LRRC7: variants seen among roughly 807,000 people sequenced by gnomAD.
LRRC7 encodes the protein leucine-rich repeat-containing protein 7.
LRRC7 carries 23 observed loss-of-function variants against 175.7 expected under a neutral mutation model. That is an observed-to-expected ratio of 0.13 (90% CI 0.09 to 0.19). The LOEUF is 0.19. Ranked by LOEUF, LRRC7 falls within the 10% of genes least tolerant of loss-of-function variation. The pLI, the probability that LRRC7 is intolerant of heterozygous loss-of-function variation, is 1.00. For missense variants in LRRC7, 1,354 were observed against 1,904.7 expected (o/e 0.71, Z 5.38); for synonymous variants, 685 against 680.9 (o/e 1.01, Z -0.09).
rs552992699 is a variant in LRRC7, at chr1:69,926,807, A to C, written c.648-4700A>C. On this transcript the variant is annotated intron_variant, in intron 7 of 26. Transcript: ENST00000651989. ...TAATTGGAGCATTTAGCCCATTTAC[A>C]TTTAAAGTTAACATTGTTATGTGTG... 7.9e-5 allele frequency among the ~76,000 whole-genome samples: 12 copies of C among 152,258 alleles called. No individual in the cohort carries two copies. The East Asian group carries it at 2.3e-3, about 29-fold the overall frequency.
rs1248344771 is a variant in LRRC7, at chr1:70,125,684, T to C, written c.*3797T>C. On this transcript the variant is annotated 3_prime_UTR_variant, in exon 27 of 27. Coordinates refer to ENST00000651989, the MANE Select transcript of LRRC7 (RefSeq NM_001370785.2). ...GCGGGCGCCTGTAGTCCCAGCTACTTGGGAGGCTGAGGCAGGAGAATGGCG... is the reference window on the plus strand; with the variant it reads ...GCGGGCGCCTGTAGTCCCAGCTACTCGGGAGGCTGAGGCAGGAGAATGGCG... Among the ~76,000 whole-genome samples, 5 of 144,976 alleles carry C rather than the reference T, an allele frequency of 3.4e-5. No individual in the cohort carries two copies. The highest frequency in any genetic ancestry group is 7.3e-3 in the Middle Eastern group (2 of 274).
chr1:69,962,286 C>G (rs753854043), intron 8 of LRRC7, among the ~76,000 whole-genome samples: 1 of 152,112 alleles, frequency 6.6e-6, no homozygotes, highest in Non-Finnish European at 1.5e-5. Context: ...TGCAGTACCA[C>G]TCCACACCAG....
intron 7 of LRRC7, among the ~76,000 whole-genome samples, chr1:69,875,340 C>T (rs1314884546): frequency 6.6e-6 from 1 of 151,702 alleles, no homozygotes; most frequent in African/African-American, 2.4e-5. Flanking sequence ...TTTCTGGTCT[C>T]GATAATATAT....
chr1:70,115,483 G>A (rs1665792273), intron 26 of LRRC7, among the ~76,000 whole-genome samples: 2 of 151,992 alleles, frequency 1.3e-5, no homozygotes, highest in Admixed American at 1.3e-4. Flanking sequence ...CACTCTATTT[G>A]ATTCTGACAA....
intron 26 of LRRC7, among the ~76,000 whole-genome samples, chr1:70,117,544 A>C (rs920107169): frequency 6.6e-6 from 1 of 152,184 alleles, no homozygotes; most frequent in Non-Finnish European, 1.5e-5. Context: ...GACAATTAAA[A>C]AACATTTTGT....
At chr1:69,729,361 A>T (rs1557657252) in intron 2 of LRRC7, among the ~76,000 whole-genome samples, 1 of 152,130 alleles carries the variant, frequency 6.6e-6, no homozygotes, top group Non-Finnish European at 1.5e-5. Context: ...AGACAAGGCA[A>T]GTCCCTTATA....
chr1:69,958,254 TG>T (rs1650703305), intron 8 of LRRC7, among the ~76,000 whole-genome samples: 1 of 151,980 alleles, frequency 6.6e-6, no homozygotes, highest in Admixed American at 6.6e-5. Flanking sequence ...TGCCCTTTAT[TG>T]GCTGACTTTA....
At chr1:69,680,680 A>AT (rs765359448) in intron 2 of LRRC7, among the ~76,000 whole-genome samples, 555 of 145,776 alleles carry the variant, frequency 3.8e-3, no homozygotes, top group Middle Eastern at 7.2e-3. Flanking sequence ...AAAAGCCACA[A>AT]TTTTTTTTTT....
intron 7 of LRRC7, among the ~76,000 whole-genome samples, chr1:69,846,172 T>C (rs1200419801): frequency 6.6e-6 from 1 of 152,162 alleles, no homozygotes; most frequent in Non-Finnish European, 1.5e-5. Flanking sequence ...AAAGTGATTA[T>C]TAGAGTCACT....
At chr1:69,830,238 G>A (rs540031590) in intron 5 of LRRC7, among the ~76,000 whole-genome samples, 1 of 151,692 alleles carries the variant, frequency 6.6e-6, no homozygotes, top group Non-Finnish European at 1.5e-5. Context: ...GAAATTACTA[G>A]TAAATTACAG....
chr1:69,947,108 A>AGAATAAAT (rs1649408404), intron 8 of LRRC7, among the ~76,000 whole-genome samples: 1 of 147,024 alleles, frequency 6.8e-6, no homozygotes, highest in African/African-American at 2.5e-5. Context: ...ACTGTGTCTC[A>AGAATAAAT]AAATAAATAA....
intron 1 of LRRC7, among the ~76,000 whole-genome samples, chr1:69,671,126 C>A (rs759279736): frequency 6.6e-6 from 1 of 152,122 alleles, no homozygotes; most frequent in African/African-American, 2.4e-5. Context: ...CTGAGTCTCA[C>A]GTGAAGCCAG....
rs1306729355 is a variant in LRRC7 at position 70,137,911 on chromosome 1, A to G, written c.*16024A>G. The stretch of plus-strand genomic sequence containing the variant: ...ACCAGCAAGAGAATATTAATAGTCC[A>G]TATGGCTTTATTTCCAACAAAATCC... On this transcript the variant is annotated 3_prime_UTR_variant, in exon 27 of 27. Coordinates refer to ENST00000651989, the MANE Select transcript of LRRC7 (RefSeq NM_001370785.2). Among the ~76,000 whole-genome samples the G allele has an allele frequency of 6.6e-6, 1 of 152,262 alleles. No homozygotes were observed. The highest frequency in any genetic ancestry group is 6.5e-5 in the Admixed American group (1 of 15,286).
intron 7 of LRRC7, among the ~76,000 whole-genome samples, chr1:69,880,209 C>T (rs559685375): frequency 5.3e-4 from 81 of 152,252 alleles, no homozygotes; most frequent in African/African-American, 1.9e-3. Flanking sequence ...TTCTCTGTGT[C>T]CACTTCCTGA....
At chr1:69,874,777 A>G (rs1156457656) in intron 7 of LRRC7, 2 of 152,074 alleles carry the variant, frequency 1.3e-5, no homozygotes, top group African/African-American at 4.8e-5. Context: ...ATCTGAAAGT[A>G]GATGTTGGTT....
intron 11 of LRRC7, among the ~76,000 whole-genome samples, chr1:69,996,304 T>C (rs1191825212): frequency 6.6e-6 from 1 of 152,024 alleles, no homozygotes; most frequent in Non-Finnish European, 1.5e-5. Flanking sequence ...TGGATATTAG[T>C]CCTTTGTCAG....
At chr1:69,805,628 A>G (rs1356869887) in intron 4 of LRRC7, among the ~76,000 whole-genome samples, 6 of 151,784 alleles carry the variant, frequency 4.0e-5, no homozygotes. Flanking sequence ...TACAGAATCT[A>G]CTTCTCCTCT....
intron 1 of LRRC7, among the ~76,000 whole-genome samples, chr1:69,584,473 G>A (rs1646327228): frequency 6.6e-6 from 1 of 151,964 alleles, no homozygotes; most frequent in South Asian, 2.1e-4. Flanking sequence ...TTTGTTTTCT[G>A]TTACTTTTTA....
intron 8 of LRRC7, among the ~76,000 whole-genome samples, chr1:69,967,968 T>C (rs1259330454): frequency 6.6e-6 from 1 of 152,036 alleles, no homozygotes; most frequent in East Asian, 1.9e-4. Context: ...CTGATTTACC[T>C]GAAAAATAAT....
Sources: allele counts gnomAD v4.1 joint callset (sites outside exome capture counted in the v4.1 genomes callset), GRCh38; gene constraint gnomAD v4.1.1; transcripts MANE v1.5; gene names NCBI Gene and HGNC (gene_info 2026-07-23, HGNC 2026-07-21).